Variants in ZDHHC14 observed in about 807,000 individuals in gnomAD.
ZDHHC14 encodes zDHHC palmitoyltransferase 14.
Under a neutral mutation model 47.7 loss-of-function variants are expected in ZDHHC14, and 16 were observed. That is an observed-to-expected ratio of 0.34 (90% CI 0.23 to 0.51). The LOEUF is 0.51. Ranked by LOEUF, ZDHHC14 falls within the 20% of genes least tolerant of loss-of-function variation. ZDHHC14 has a pLI of 0.97. For missense variants in ZDHHC14, 515 were observed against 662.5 expected (o/e 0.78, Z 2.44); for synonymous variants, 293 against 278.9 (o/e 1.05, Z -0.50).
chr6:157,554,116 A>T (rs960546775), intron 2 of ZDHHC14, among the ~76,000 whole-genome samples: 1 of 152,262 alleles, frequency 6.6e-6, no homozygotes, highest in Non-Finnish European at 1.5e-5. Flanking sequence ...GGTGAATGCC[A>T]TGTTACATAC....
At chr6:157,534,433 A>G (rs1224691678) in intron 1 of ZDHHC14, among the ~76,000 whole-genome samples, 3 of 152,190 alleles carry the variant, frequency 2.0e-5, no homozygotes, top group African/African-American at 7.2e-5. Context: ...ATGCCTAAGT[A>G]ATGTCTGGAC....
chr6:157,533,013 G>A (rs890656642), intron 1 of ZDHHC14, among the ~76,000 whole-genome samples: 4 of 151,922 alleles, frequency 2.6e-5, no homozygotes, highest in South Asian at 2.1e-4. Flanking sequence ...CCACCAAAAC[G>A]CACATATGCA....
intron 1 of ZDHHC14, among the ~76,000 whole-genome samples, chr6:157,478,391 T>C (rs562079479): frequency 6.6e-6 from 1 of 152,350 alleles, no homozygotes; most frequent in Non-Finnish European, 1.5e-5. Context: ...CTCACAATCT[T>C]ACTCTCTTAC....
At chr6:157,524,052 G>A (rs527661943) in intron 1 of ZDHHC14, among the ~76,000 whole-genome samples, 1 of 152,304 alleles carries the variant, frequency 6.6e-6, no homozygotes, top group South Asian at 2.1e-4. Flanking sequence ...GATTTAAGGG[G>A]ATCTTTAGGA....
At chr6:157,587,305 G>A (rs1783731804) in intron 2 of ZDHHC14, among the ~76,000 whole-genome samples, 1 of 152,204 alleles carries the variant, frequency 6.6e-6, no homozygotes, top group African/African-American at 2.4e-5. Context: ...TGGATTCAAA[G>A]CCAGTGATTT....
intron 1 of ZDHHC14, among the ~76,000 whole-genome samples, chr6:157,462,491 G>C (rs1315413026): frequency 1.3e-5 from 2 of 152,006 alleles, no homozygotes; most frequent in Non-Finnish European, 2.9e-5. Context: ...CACCACATTA[G>C]GCAAAAAAAG....
rs554644703 is a variant in ZDHHC14, at chr6:157,593,516, C to T, written c.565+370C>T. Among the ~76,000 whole-genome samples the T allele has an allele frequency of 3.3e-5, 5 of 152,332 alleles. No homozygotes were observed. In the East Asian group the frequency reaches 9.7e-4, roughly 29 times the overall value. On this transcript the variant is annotated intron_variant, in intron 3 of 8. Coordinates refer to ENST00000359775, the MANE Select transcript of ZDHHC14 (RefSeq NM_024630.3). ...TGTGCAGTTGTTTGTCCCAGCTCCT[C>T]AGAGGGGCTGGGGGCGTTTAATCCC...
chr6:157,458,033 T>C (rs1359652852), intron 1 of ZDHHC14, among the ~76,000 whole-genome samples: 1 of 152,252 alleles, frequency 6.6e-6, no homozygotes, highest in Non-Finnish European at 1.5e-5. Flanking sequence ...AATAGCAGAC[T>C]ACCTGCCCCC....
At chr6:157,422,601 T>C (rs1367287056) in intron 1 of ZDHHC14, among the ~76,000 whole-genome samples, 2 of 152,186 alleles carry the variant, frequency 1.3e-5, no homozygotes, top group Admixed American at 1.3e-4. Context: ...TCATGGGCAC[T>C]TGCTATGTGG....
At chr6:157,564,339 T>C (rs1348328061) in intron 2 of ZDHHC14, among the ~76,000 whole-genome samples, 1 of 152,182 alleles carries the variant, frequency 6.6e-6, no homozygotes, top group Non-Finnish European at 1.5e-5. Flanking sequence ...TCTCTTTCTT[T>C]TCCAGAAGTG....
intron 1 of ZDHHC14, among the ~76,000 whole-genome samples, chr6:157,470,540 A>T (rs1779329235): frequency 6.6e-6 from 1 of 152,262 alleles, no homozygotes; most frequent in South Asian, 2.1e-4. Flanking sequence ...CAAGTATGTT[A>T]AAATAAACAC....
At chr6:157,393,661 A>C (rs1418054923) in intron 1 of ZDHHC14, among the ~76,000 whole-genome samples, 2 of 152,114 alleles carry the variant, frequency 1.3e-5, no homozygotes, top group African/African-American at 4.8e-5. Flanking sequence ...CCTTTCTCTC[A>C]TAAGATCTCT....
chr6:157,485,776 C>T, intron 1 of ZDHHC14, among the ~76,000 whole-genome samples: 1 of 151,768 alleles, frequency 6.6e-6, no homozygotes, highest in East Asian at 1.9e-4. Context: ...TTCGGGAGGC[C>T]AAGGCGGGTG....
At chr6:157,623,997 A>C (rs181647281) in intron 3 of ZDHHC14, among the ~76,000 whole-genome samples, 249 of 152,156 alleles carry the variant, frequency 1.6e-3, no homozygotes, top group Non-Finnish European at 3.1e-3. Flanking sequence ...CGTGCCCCTA[A>C]CCCTACCCTG....
intron 1 of ZDHHC14, among the ~76,000 whole-genome samples, chr6:157,523,116 C>T (rs2114770383): frequency 6.6e-6 from 1 of 150,854 alleles, no homozygotes; most frequent in South Asian, 2.1e-4. Context: ...TGAATGGGAT[C>T]TCTCTCTCTC....
intron 1 of ZDHHC14, among the ~76,000 whole-genome samples, chr6:157,453,938 C>T (rs941288653): frequency 6.6e-6 from 1 of 152,120 alleles, no homozygotes; most frequent in Non-Finnish European, 1.5e-5. Flanking sequence ...TTGTTCAAAA[C>T]CTTCTTAATG....
chr6:157,645,802 C>T lies in ZDHHC14; in HGVS notation c.818C>T (p.Thr273Ile), dbSNP rs1165039982. 1.2e-6 allele frequency: 2 copies of T among 1,614,028 alleles called. No individual in the cohort carries two copies. The highest frequency in any genetic ancestry group is 1.3e-5 in the African/African-American group (1 of 74,916). Residue 273 changes from threonine to isoleucine, a missense_variant, in exon 6 of 9, where the codon ACC becomes ATC. Thr to Ile is a moderately conservative substitution (Grantham distance 89, BLOSUM62 -1). Transcript: ENST00000359775. ...ATCGTTGGCCTCTCAGGATTCCACA[C>T]CTACTTGATCAGCTCCAACCAGACA... ...WSIVGLSGFH[T>I]YLISSNQTTN...
chr6:157,450,995 G>T (rs1778789927), intron 1 of ZDHHC14, among the ~76,000 whole-genome samples: 2 of 134,210 alleles, frequency 1.5e-5, no homozygotes, highest in Admixed American at 1.5e-4. Flanking sequence ...CAAAAGTCTG[G>T]TCTTGTGTGT....
intron 3 of ZDHHC14, among the ~76,000 whole-genome samples, chr6:157,608,831 G>A (rs955135168): frequency 6.6e-6 from 1 of 152,224 alleles, no homozygotes; most frequent in Non-Finnish European, 1.5e-5. Context: ...CCAAGGAGAC[G>A]AGAGGGGGGG....
Sources: gnomAD v4.1 joint callset for allele counts (sites outside exome capture counted in the v4.1 genomes callset) on GRCh38, gnomAD v4.1.1 for gene constraint, MANE v1.5 for transcripts, NCBI Gene and HGNC (gene_info 2026-07-23, HGNC 2026-07-21) for gene names.